SPINK2: variants seen among roughly 807,000 people sequenced by gnomAD.
The protein encoded by SPINK2 is serine protease inhibitor Kazal-type 2.
SPINK2 carries 8 observed loss-of-function variants against 13.5 expected under a neutral mutation model. The ratio of observed to expected loss-of-function variants is 0.59; its 90% CI spans 0.35 to 1.07. The LOEUF (loss-of-function observed/expected upper bound fraction) is 1.07. SPINK2 is among the 50% of genes least tolerant of loss of function. SPINK2 has a pLI of 0.02. For synonymous variants in SPINK2, 76 were observed against 74.7 expected, an observed-to-expected ratio of 1.02 and a Z score of -0.09; for missense variants, 148 against 180.3, an observed-to-expected ratio of 0.82 and a Z score of 1.03.
Position 56,821,674 on chromosome 4 carries a change from G to A in SPINK2, c.-12C>T, listed in dbSNP as rs373629433. The A allele has an allele frequency of 6.6e-7, 1 of 1,520,716 alleles. No homozygotes were observed. The highest frequency in any genetic ancestry group is 2.1e-5 in the Admixed American group (1 of 47,504). The allele number at this position is 1,520,716 out of a possible 1,614,324, so 94.2% of individuals were successfully genotyped here. ...ACCGACAGCGCCATCCTCCTCCCGC[G>A]CCGGCTGTCTTGCCCCTGCGGTCTG... On this transcript the variant is annotated 5_prime_UTR_variant, in exon 1 of 4. Coordinates refer to ENST00000506738, the MANE Select transcript of SPINK2 (RefSeq NM_001271718.2).
intron 2 of SPINK2, among the ~76,000 whole-genome samples, chr4:56,819,605 C>CTA (rs1321003967): frequency 8.3e-6 from 1 of 119,858 alleles, no homozygotes; most frequent in Non-Finnish European, 1.6e-5. Context: ...ATGGCTAGGA[C>CTA]TTTTTTTTCT....
At chr4:56,820,190 T>C (rs1032508638) in intron 2 of SPINK2, among the ~76,000 whole-genome samples, 3 of 152,352 alleles carry the variant, frequency 2.0e-5, no homozygotes, top group African/African-American at 7.2e-5. Context: ...TCTCTTGCTA[T>C]AACAAGCCCT....
intron 3 of SPINK2, among the ~76,000 whole-genome samples, chr4:56,810,900 G>A (rs1716922671): frequency 6.6e-6 from 1 of 151,830 alleles, no homozygotes; most frequent in African/African-American, 2.4e-5. Flanking sequence ...CATACCTGAA[G>A]GAGCAGTGAC....
rs57162077 is a variant in SPINK2, at chr4:56,812,563, C to CAAAAAAAAAAAAAAAAAAA, written c.250-788_250-770dup. ...GGGCAACGAGAACGAAACTCCATCT[C>CAAAAAAAAAAAAAAAAAAA]AAAAAAAAAAAAAAAAAAAAAAAAA... On this transcript the variant is annotated intron_variant, in intron 2 of 3. Transcript: ENST00000506738. Among the ~76,000 whole-genome samples the CAAAAAAAAAAAAAAAAAAA allele has an allele frequency of 1.8e-4, 3 of 16,370 alleles. 1 individual carries two copies. Among genetic ancestry groups the CAAAAAAAAAAAAAAAAAAA allele is most frequent in the African/African-American group, 5.7e-4 (3 of 5,302 alleles). The allele number at this position is 16,370 out of a possible 152,430, so 10.7% of individuals were successfully genotyped here.
chr4:56,811,632 A>G (rs1321022360), intron 3 of SPINK2, 53 bp downstream of exon 3: 9 of 1,281,796 alleles, frequency 7.0e-6, no homozygotes, highest in Non-Finnish European at 9.8e-6. Flanking sequence ...AAAAGAAGAA[A>G]AAAAAAGAAA....
intron 1 of SPINK2, 52 bp downstream of exon 1, chr4:56,821,406 G>T (rs1349940467): frequency 6.8e-7 from 1 of 1,462,648 alleles, no homozygotes. Context: ...ACTAAAGAGG[G>T]TGGCTGACTC....
chr4:56,811,613 TC>T, intron 3 of SPINK2, 71 bp downstream of exon 3: 1 of 995,138 alleles, frequency 1.0e-6, no homozygotes, highest in Non-Finnish European at 1.4e-6. Flanking sequence ...TGAGACTCTG[TC>T]AAAAAAAAAA....
intron 3 of SPINK2, 41 bp downstream of exon 3, chr4:56,811,644 G>C: frequency 1.6e-6 from 2 of 1,267,494 alleles, no homozygotes; most frequent in Non-Finnish European, 2.2e-6. Context: ...AAAAAGAAAT[G>C]AAGAAAACTT....
intron 2 of SPINK2, among the ~76,000 whole-genome samples, chr4:56,819,297 A>G (rs1446031803): frequency 6.6e-6 from 1 of 152,200 alleles, no homozygotes; most frequent in Non-Finnish European, 1.5e-5. Context: ...GCCTACTCTG[A>G]GCTGAATGCT....
intron 2 of SPINK2, among the ~76,000 whole-genome samples, chr4:56,816,265 T>C (rs1274606109): frequency 1.3e-5 from 2 of 151,330 alleles, no homozygotes; most frequent in Admixed American, 1.3e-4. Flanking sequence ...ATAAAACATC[T>C]CTAGGGCCAG....
At chr4:56,816,900 TAAA>T (rs1462687894) in intron 2 of SPINK2, among the ~76,000 whole-genome samples, 1 of 147,812 alleles carries the variant, frequency 6.8e-6, no homozygotes, top group African/African-American at 2.5e-5. Context: ...TAAAATAAAA[TAAA>T]AAAATAAAAC....
At chr4:56,812,807 A>C (rs1036101940) in intron 2 of SPINK2, among the ~76,000 whole-genome samples, 10 of 152,250 alleles carry the variant, frequency 6.6e-5, no homozygotes, top group South Asian at 6.2e-4. Flanking sequence ...ACATTTAACC[A>C]AAAACATTAA....
intron 1 of SPINK2, 99 bp from the exon 2 acceptor site, chr4:56,820,678 C>T: frequency 9.5e-7 from 1 of 1,057,958 alleles, no homozygotes; most frequent in Non-Finnish European, 1.4e-6. Flanking sequence ...GCTATGTTGC[C>T]CAGGCTGGTC....
chr4:56,816,358 T>C (rs540946539), intron 2 of SPINK2, among the ~76,000 whole-genome samples: 9 of 151,722 alleles, frequency 5.9e-5, no homozygotes, highest in Admixed American at 2.0e-4. Context: ...TTGTCTCTAC[T>C]AAAAAAATAT....
intron 1 of SPINK2, 111 bp from the exon 2 acceptor site, chr4:56,820,690 T>C (rs1164101407): frequency 1.1e-6 from 1 of 887,168 alleles, no homozygotes; most frequent in Non-Finnish European, 1.7e-6. Context: ...AGGCTGGTCT[T>C]GACCTCCCGG....
chr4:56,811,659 A>C, intron 3 of SPINK2, 26 bp downstream of exon 3: 5 of 1,425,006 alleles, frequency 3.5e-6, no homozygotes, highest in Non-Finnish European at 4.8e-6. Flanking sequence ...AAACTTGGCT[A>C]GTCTACAGCT....
At position 56,811,800 on chromosome 4, in the gene SPINK2, A is replaced by C. The variant is rs777485822; in HGVS notation, c.250-6T>G. 2.5e-6 allele frequency: 4 copies of C among 1,586,156 alleles called. No individual in the cohort carries two copies. The highest frequency in any genetic ancestry group is 3.4e-6 in the Non-Finnish European group (4 of 1,159,532). ...CTATACTGAGAGCAGTTTGGCTGGA[A>C]AAAAGAAAGAGAGAAATTCGAGAAT... On this transcript the variant is annotated splice_polypyrimidine_tract_variant and splice_region_variant and intron_variant, in intron 2 of 3. Coordinates refer to ENST00000506738, the MANE Select transcript of SPINK2 (RefSeq NM_001271718.2).
chr4:56,821,710 C>T (rs1260800157), upstream of SPINK2: 5 of 1,408,980 alleles, frequency 3.5e-6, no homozygotes, highest in Non-Finnish European at 4.6e-6. Flanking sequence ...TTACCTGCGC[C>T]ACTCGCAGGG....
At chr4:56,814,960 CAA>C (rs5858398) in intron 2 of SPINK2, among the ~76,000 whole-genome samples, 63 of 102,532 alleles carry the variant, frequency 6.1e-4, no homozygotes, top group African/African-American at 1.0e-3. Context: ...GACTCCGTCT[CAA>C]AAAAAAAAAA....
Sources: gnomAD v4.1 joint callset for allele counts (sites outside exome capture counted in the v4.1 genomes callset) on GRCh38, gnomAD v4.1.1 for gene constraint, MANE v1.5 for transcripts, NCBI Gene and HGNC (gene_info 2026-07-23, HGNC 2026-07-21) for gene names.